The following BCAS3 variants were observed in gnomAD, a reference collection of about 807,000 sequenced individuals.
The protein encoded by BCAS3 is BCAS3 microtubule associated cell migration factor.
In BCAS3, 53 loss-of-function variants were observed where a neutral mutation model predicts 116.1. The ratio of observed to expected loss-of-function variants is 0.46; its 90% CI spans 0.37 to 0.57. BCAS3 has a LOEUF of 0.57. Ranked by LOEUF, BCAS3 falls within the 20% of genes least tolerant of loss-of-function variation. BCAS3 has a pLI of 0.00. For synonymous variants in BCAS3, 391 were observed against 408.2 expected (o/e 0.96, Z 0.51); for missense variants, 917 against 1,165.4 (o/e 0.79, Z 3.10).
intron 22 of BCAS3, among the ~76,000 whole-genome samples, chr17:61,216,366 G>T (rs1382588975): frequency 1.3e-5 from 2 of 152,076 alleles, no homozygotes; most frequent in Non-Finnish European, 2.9e-5. Context: ...TACTGAAGGG[G>T]AAGCTTTTTT....
At position 61,215,528 on chromosome 17, in the gene BCAS3, A is replaced by G. The variant is rs571945356; in HGVS notation, c.2425+130964A>G. ...AATTTCCAAACACCTGCATTCCAAC[A>G]TCTCCATAAAGTGCGAACCAAGATA... On this transcript the variant is annotated intron_variant, in intron 22 of 23. Transcript: ENST00000407086. This position sits in a 1 kb window ranked among gnomAD's most constrained non-coding sequence, Gnocchi z 4.8. Among the ~76,000 whole-genome samples, 1 of 152,336 alleles carries G rather than the reference A, an allele frequency of 6.6e-6. No individual in the cohort carries two copies. The highest frequency in any genetic ancestry group is 2.1e-4 in the South Asian group (1 of 4,824).
At position 60,961,997 on chromosome 17, in the gene BCAS3, T is replaced by A. The variant is rs1424123756; in HGVS notation, c.1221+14645T>A. ...ATAATGGCCTCCAGTTTCAGCTATG[T>A]TGCTGCAAATGACAGGATTTCATTC... On this transcript the variant is annotated intron_variant, in intron 14 of 23. Coordinates refer to ENST00000407086, the MANE Select transcript of BCAS3 (RefSeq NM_017679.5). The surrounding 1 kb of genome is among the most constrained non-coding windows in gnomAD (Gnocchi z 4.8). Among the ~76,000 whole-genome samples, 1 of 152,216 alleles carries A rather than the reference T, an allele frequency of 6.6e-6. No individual in the cohort carries two copies. The highest frequency in any genetic ancestry group is 2.4e-5 in the African/African-American group (1 of 41,460).
At chr17:61,067,313 ATATT>A (rs1457717221) in intron 19 of BCAS3, among the ~76,000 whole-genome samples, 4 of 131,746 alleles carry the variant, frequency 3.0e-5, no homozygotes, top group African/African-American at 8.6e-5. Flanking sequence ...ATATATATAT[ATATT>A]TATACAGACT....
At position 61,188,759 on chromosome 17, in the gene BCAS3, C is replaced by A. The variant is rs1601806082; in HGVS notation, c.2425+104195C>A. ...ACATACAAATTTTAAATATGTTAAA[C>A]CTATGATAAGATACAGATTAAAAAT... On this transcript the variant is annotated intron_variant, in intron 22 of 23. Coordinates refer to ENST00000407086, the MANE Select transcript of BCAS3 (RefSeq NM_017679.5). The surrounding 1 kb of genome is among the most constrained non-coding windows in gnomAD (Gnocchi z 4.0). Among the ~76,000 whole-genome samples, 1 of 152,116 alleles carries A rather than the reference C, an allele frequency of 6.6e-6. No homozygotes were observed. The highest frequency in any genetic ancestry group is 1.9e-4 in the East Asian group (1 of 5,202).
chr17:60,788,093 T>C (rs148826199), intron 6 of BCAS3, among the ~76,000 whole-genome samples: 1 of 152,298 alleles, frequency 6.6e-6, no homozygotes, highest in African/African-American at 2.4e-5. Context: ...TATTGGTACT[T>C]ATCCCCATTT....
At chr17:61,283,598 C>T (rs897862305) in intron 22 of BCAS3, among the ~76,000 whole-genome samples, 11 of 151,944 alleles carry the variant, frequency 7.2e-5, no homozygotes, top group Admixed American at 2.0e-4. Flanking sequence ...GGACTACAGG[C>T]GACCGCCACC....
At chr17:61,091,173 C>T (rs1286139939) in intron 22 of BCAS3, among the ~76,000 whole-genome samples, 1 of 152,202 alleles carries the variant, frequency 6.6e-6, no homozygotes, top group Non-Finnish European at 1.5e-5. Context: ...CCTATGCTTT[C>T]TATATTGCAA....
Position 61,259,425 on chromosome 17 carries a change from C to T in BCAS3, c.2426-108902C>T, listed in dbSNP as rs1471800686. Reference sequence around the variant, plus strand: ...AGCTCTGACTTTAATAGCACAGTAACTGCCAGTTCCTGTCCATAGGGGTTG... The same window carrying T: ...AGCTCTGACTTTAATAGCACAGTAATTGCCAGTTCCTGTCCATAGGGGTTG... On this transcript the variant is annotated intron_variant, in intron 22 of 23. Coordinates refer to ENST00000407086, the MANE Select transcript of BCAS3 (RefSeq NM_017679.5). The surrounding 1 kb of genome is among the most constrained non-coding windows in gnomAD (Gnocchi z 4.7). Among the ~76,000 whole-genome samples the T allele has an allele frequency of 6.6e-6, 1 of 152,122 alleles. No individual in the cohort carries two copies. The highest frequency in any genetic ancestry group is 1.5e-5 in the Non-Finnish European group (1 of 68,022).
chr17:61,146,941 G>T (rs777581721), intron 22 of BCAS3, among the ~76,000 whole-genome samples: 7 of 152,024 alleles, frequency 4.6e-5, no homozygotes, highest in Non-Finnish European at 1.0e-4. Context: ...TTAAGACAGG[G>T]TCTTGCTCTA....
Position 60,733,578 on chromosome 17 carries a change from C to T in BCAS3, c.322-13620C>T, listed in dbSNP as rs552027355. ...ATGTTTGGTTGGGTGTGGTAGCTGA[C>T]GTCTATAATCCTAGCACTTCTAAGA... On this transcript the variant is annotated intron_variant, in intron 5 of 23. Coordinates refer to ENST00000407086, the MANE Select transcript of BCAS3 (RefSeq NM_017679.5). Among the ~76,000 whole-genome samples, 14 of 152,222 alleles carry T rather than the reference C, an allele frequency of 9.2e-5. No individual in the cohort carries two copies. The East Asian group carries it at 1.7e-3, about 19-fold the overall frequency.
intron 2 of BCAS3, among the ~76,000 whole-genome samples, chr17:60,680,202 G>A (rs2032817705): frequency 6.6e-6 from 1 of 151,270 alleles, no homozygotes; most frequent in Non-Finnish European, 1.5e-5. Flanking sequence ...ATAGCTGAGA[G>A]TTTGTATTGT....
intron 19 of BCAS3, among the ~76,000 whole-genome samples, chr17:61,054,377 CA>C (rs1166598954): frequency 6.6e-5 from 10 of 151,928 alleles, no homozygotes; most frequent in African/African-American, 1.4e-4. Flanking sequence ...TTTTTTTGGC[CA>C]GGGGGAGACA....
chr17:60,815,904 G>A (rs1203313710), intron 7 of BCAS3, among the ~76,000 whole-genome samples: 2 of 152,002 alleles, frequency 1.3e-5, no homozygotes, highest in Non-Finnish European at 2.9e-5. Context: ...GGAGACCCTC[G>A]AATATATATA....
chr17:60,682,352 C>CA (rs1389863265), intron 2 of BCAS3, among the ~76,000 whole-genome samples: 1 of 151,880 alleles, frequency 6.6e-6, no homozygotes, highest in Non-Finnish European at 1.5e-5. Context: ...AGGAGAGTGG[C>CA]AAAAAATGAG....
intron 6 of BCAS3, among the ~76,000 whole-genome samples, chr17:60,766,588 G>A (rs8072958): frequency 0.26 from 40,164 of 152,020 alleles, 11,185 homozygotes; most frequent in African/African-American, 0.71. Flanking sequence ...AGGGGCACCC[G>A]GCTGTATGAG....
intron 6 of BCAS3, among the ~76,000 whole-genome samples, chr17:60,751,074 A>G (rs1898113325): frequency 6.6e-6 from 1 of 152,212 alleles, no homozygotes; most frequent in Non-Finnish European, 1.5e-5. Flanking sequence ...TTCTAAAGGT[A>G]TTTCTGTAGA....
rs562710153 is a variant in BCAS3, at chr17:60,904,986, C to G, written c.822+2283C>G. Among the ~76,000 whole-genome samples the G allele has an allele frequency of 4.6e-5, 7 of 152,206 alleles. No individual in the cohort carries two copies. The South Asian group carries it at 1.3e-3, about 27-fold the overall frequency. The stretch of plus-strand genomic sequence containing the variant: ...TTATGCCTAATCTGGTTTGATGAAG[C>G]CAGATCACCTTAATACTAAAACTTT... On this transcript the variant is annotated intron_variant, in intron 11 of 23. Coordinates refer to ENST00000407086, the MANE Select transcript of BCAS3 (RefSeq NM_017679.5).
intron 7 of BCAS3, among the ~76,000 whole-genome samples, chr17:60,818,163 C>T (rs1185849977): frequency 6.6e-6 from 1 of 152,072 alleles, no homozygotes; most frequent in African/African-American, 2.4e-5. Context: ...CTGAGAAAAG[C>T]AAAATAATCT....
rs1602749750 is a variant in BCAS3 at position 61,332,479 on chromosome 17, G to A, written c.2426-35848G>A. On this transcript the variant is annotated intron_variant, in intron 22 of 23. Transcript: ENST00000407086. This position sits in a 1 kb window ranked among gnomAD's most constrained non-coding sequence, Gnocchi z 5.4. ...GGCTTATGGCTCCATATTGAAAGGAGGGAAACAATTTGACAGCAAGAAAAG... is the reference window on the plus strand; with the variant it reads ...GGCTTATGGCTCCATATTGAAAGGAAGGAAACAATTTGACAGCAAGAAAAG... Among the ~76,000 whole-genome samples, 2 of 152,240 alleles carry A rather than the reference G, an allele frequency of 1.3e-5. No individual in the cohort carries two copies. The highest frequency in any genetic ancestry group is 4.8e-5 in the African/African-American group (2 of 41,546).
Sources: gnomAD v4.1 joint callset for allele counts (sites outside exome capture counted in the v4.1 genomes callset) on GRCh38, gnomAD v4.1.1 for gene constraint, Gnocchi (gnomAD v3.1) non-coding constraint, MANE v1.5 for transcripts, NCBI Gene and HGNC (gene_info 2026-07-23, HGNC 2026-07-21) for gene names.